KCNG2: variants seen among roughly 807,000 people sequenced by gnomAD.
KCNG2 encodes voltage-gated potassium channel regulatory subunit KCNG2.
Under a neutral mutation model 12.3 loss-of-function variants are expected in KCNG2, and 7 were observed. The observed-to-expected ratio is 0.57, with a 90% confidence interval of 0.32 to 1.07. The LOEUF (loss-of-function observed/expected upper bound fraction) is 1.07. KCNG2 is among the 50% of genes least tolerant of loss of function. The pLI is 0.04. For missense variants in KCNG2, 703 were observed against 726.0 expected, an observed-to-expected ratio of 0.97 and a Z score of 0.36; for synonymous variants, 414 against 351.4, an observed-to-expected ratio of 1.18 and a Z score of -1.99.
chr18:79,869,264 T>TC (rs1568264234), intron 3 of KCNG2, among the ~76,000 whole-genome samples: 4 of 128,962 alleles, frequency 3.1e-5, no homozygotes, highest in African/African-American at 9.8e-5. Context: ...GGGCAGTAGC[T>TC]CCCTGTGGGG....
At position 79,798,012 on chromosome 18, in the gene KCNG2, C is replaced by T. The variant is rs2087375582; in HGVS notation, c.-117C>T. 6.7e-6 allele frequency among the ~76,000 whole-genome samples: 1 copy of T among 148,446 alleles called. No individual in the cohort carries two copies. The highest frequency in any genetic ancestry group is 2.5e-5 in the African/African-American group (1 of 39,832). On this transcript the variant is annotated splice_region_variant and 5_prime_UTR_variant, in exon 1 of 4. Coordinates refer to ENST00000316249, the MANE Select transcript of KCNG2 (RefSeq NM_012283.2). ...CCCGGAGCTCGCGGAGTCTGGACCG[C>T]AGGTAAAGTTGAGCGCGCCGTGGGG... is the stretch of plus-strand genomic sequence containing the variant.
At chr18:79,882,864 TACACCTGCGCGTGGAGC>T (rs1568269861) in intron 3 of KCNG2, among the ~76,000 whole-genome samples, 24 of 150,642 alleles carry the variant, frequency 1.6e-4, no homozygotes, top group Non-Finnish European at 2.8e-4. Context: ...GGAGGCCGGG[TACACCTGCGCGTGGAGC>T]GCGGAGGCCG....
chr18:79,829,395 T>A (rs1377431437), intron 1 of KCNG2, among the ~76,000 whole-genome samples: 1 of 152,304 alleles, frequency 6.6e-6, no homozygotes, highest in Non-Finnish European at 1.5e-5. Flanking sequence ...TACCTGCCCC[T>A]TCTCTGTTGC....
chr18:79,872,488 T>G (rs908616288), intron 3 of KCNG2, among the ~76,000 whole-genome samples: 4 of 152,130 alleles, frequency 2.6e-5, no homozygotes, highest in African/African-American at 9.7e-5. Context: ...TTTCACCATG[T>G]TGGCCAGGCT....
intron 1 of KCNG2, among the ~76,000 whole-genome samples, chr18:79,835,372 C>A (rs920367369): frequency 6.6e-6 from 1 of 152,110 alleles, no homozygotes; most frequent in Non-Finnish European, 1.5e-5. Context: ...ATAGTAATGT[C>A]GAAATTATTG....
rs1365957595 is a variant in KCNG2 at position 79,899,516 on chromosome 18, G to A, written c.1101G>A (p.Met367Ile). 10 of 1,607,326 alleles carry A rather than the reference G, an allele frequency of 6.2e-6. No homozygotes were observed. The Admixed American group carries it at 1.3e-4, about 22-fold the overall frequency. The part of the protein sequence containing the change: ...PASYWWAVIS[M>I]TTVGYGDMVP... ...GCTATTGGTGGGCCGTCATCTCCATGACCACCGTGGGCTACGGCGACATGG... is the reference window on the plus strand; with the variant it reads ...GCTATTGGTGGGCCGTCATCTCCATAACCACCGTGGGCTACGGCGACATGG... Residue 367 changes from methionine (M) to isoleucine (I), a missense_variant, in exon 4 of 4, where the codon ATG (methionine) becomes ATA (isoleucine). By Grantham distance (10) the Met-to-Ile change is conservative. Coordinates refer to ENST00000316249, the MANE Select transcript of KCNG2 (RefSeq NM_012283.2).
chr18:79,829,192 CTG>C (rs987504077), intron 1 of KCNG2, among the ~76,000 whole-genome samples: 4 of 140,732 alleles, frequency 2.8e-5, no homozygotes, highest in Non-Finnish European at 6.1e-5. Context: ...GTGCATGTGT[CTG>C]TGTGTGGGTG....
chr18:79,880,340 C>T (rs4799101), intron 3 of KCNG2, among the ~76,000 whole-genome samples: 25,339 of 138,528 alleles, frequency 0.18, 2,493 homozygotes, highest in East Asian at 0.37. Context: ...AAAAAAATTA[C>T]ATGTACAATT....
rs113610049 is a variant in KCNG2, at chr18:79,858,675, A to G, written c.-41+2223A>G. 1.0e-2 allele frequency among the ~76,000 whole-genome samples: 1,516 copies of G among 151,912 alleles called. 4 individuals carry two copies. Among genetic ancestry groups the G allele is most frequent in the Non-Finnish European group, 0.015 (1,033 of 67,972 alleles). On this transcript the variant is annotated intron_variant, in intron 2 of 3. Transcript: ENST00000316249. The stretch of plus-strand genomic sequence containing the variant: ...TTCCACTGTGGCTGTGACATTTTAT[A>G]TTCCCACCAGCAATGTACAGGGGTC...
At position 79,899,471 on chromosome 18, in the gene KCNG2, C is replaced by G. The variant is rs116614455; in HGVS notation, c.1056C>G (p.Asp352Glu). ...LAERELGARRDFSSVPASYWW... is the reference protein window; with the variant it reads ...LAERELGARREFSSVPASYWW... The stretch of plus-strand genomic sequence containing the variant: ...AGCGCGAGCTGGGCGCGCGCCGCGA[C>G]TTCTCCAGCGTGCCCGCCAGCTATT... The change falls in exon 4 of 4, where the codon GAC (aspartate) becomes GAG (glutamate). Residue 352 changes from aspartate to glutamate, a missense_variant. Physicochemically the swap from Asp to Glu is conservative, Grantham distance 45. Transcript: ENST00000316249. The G allele has an allele frequency of 6.2e-7, 1 of 1,606,508 alleles. No individual in the cohort carries two copies. The highest frequency in any genetic ancestry group is 1.3e-5 in the African/African-American group (1 of 74,260).
chr18:79,864,316 G>T, intron 3 of KCNG2, 25 bp downstream of exon 3: 2 of 1,415,676 alleles, frequency 1.4e-6, no homozygotes, highest in African/African-American at 1.5e-5. Flanking sequence ...GGGTGGCGGG[G>T]ACCGGGCCGG....
At position 79,864,067 on chromosome 18, in the gene KCNG2, C is replaced by G; in HGVS notation, c.400C>G (p.Arg134Gly). Residue 134 changes from arginine to glycine, a missense_variant, in exon 3 of 4, where the codon CGC becomes GGC. By Grantham distance (125) the Arg-to-Gly change is moderately radical. Transcript: ENST00000316249. Reference protein sequence around the residue: ...RRREEEAAEARAGPTERGAQG... With the variant: ...RRREEEAAEAGAGPTERGAQG... ...CCGCGAGGAGGAGGCGGCCGAGGCC[C>G]GCGCGGGGCCGACGGAGCGCGGGGC... 9.3e-7 allele frequency: 1 copy of G among 1,079,502 alleles called. No homozygotes were observed. The highest frequency in any genetic ancestry group is 1.1e-6 in the Non-Finnish European group (1 of 891,178). The allele number at this position is 1,079,502 out of a possible 1,614,324, so 66.9% of individuals were successfully genotyped here. A position where few individuals can be genotyped will look rare whatever the true frequency, so the allele number is the denominator to read the frequency against.
rs1033585425 is a variant in KCNG2, at chr18:79,884,993, G to A, written c.625-14047G>A. ...GTCCACTTTCCCTCCCCAAAGAAGCGCTTGCCCAACTCTCGGGGTGCTTGC... is the reference window on the plus strand; with the variant it reads ...GTCCACTTTCCCTCCCCAAAGAAGCACTTGCCCAACTCTCGGGGTGCTTGC... On this transcript the variant is annotated intron_variant, in intron 3 of 3. Coordinates refer to ENST00000316249, the MANE Select transcript of KCNG2 (RefSeq NM_012283.2). The surrounding 1 kb of genome is among the most constrained non-coding windows in gnomAD (Gnocchi z 5.5). Among the ~76,000 whole-genome samples the A allele has an allele frequency of 1.3e-5, 2 of 152,156 alleles. No homozygotes were observed. Among genetic ancestry groups the A allele is most frequent in the African/African-American group, 4.8e-5 (2 of 41,426 alleles).
intron 2 of KCNG2, among the ~76,000 whole-genome samples, chr18:79,859,036 G>A (rs1283382277): frequency 1.3e-5 from 2 of 151,980 alleles, no homozygotes; most frequent in Non-Finnish European, 1.5e-5. Context: ...CATTTTCCTG[G>A]TCCTGTTCTT....
At chr18:79,847,643 T>C (rs1298140289) in intron 1 of KCNG2, among the ~76,000 whole-genome samples, 1 of 152,224 alleles carries the variant, frequency 6.6e-6, no homozygotes, top group African/African-American at 2.4e-5. Flanking sequence ...GTAAATATTA[T>C]TATATCCCAG....
chr18:79,899,011 C>A, intron 3 of KCNG2, 29 bp from the exon 4 acceptor site: 3 of 1,488,294 alleles, frequency 2.0e-6, no homozygotes, highest in East Asian at 2.5e-5. Flanking sequence ...AGGCCTGCGC[C>A]CCCAACCCCG....
At position 79,866,411 on chromosome 18, in the gene KCNG2, GGGTGC is replaced by G. The variant is rs1467291246; in HGVS notation, c.624+2121_624+2125del. 1.7e-3 allele frequency among the ~76,000 whole-genome samples: 205 copies of G among 120,776 alleles called. 1 individual carries two copies. The highest frequency in any genetic ancestry group is 2.3e-3 in the East Asian group (8 of 3,416). The allele number at this position is 120,776 out of a possible 152,430, so 79.2% of individuals were successfully genotyped here. On this transcript the variant is annotated intron_variant, in intron 3 of 3. Coordinates refer to ENST00000316249, the MANE Select transcript of KCNG2 (RefSeq NM_012283.2). ...CTGAGAGGTCTGGGTGCTGAGGTCT[GGGTGC>G]TGAGAGGTCTGGGTGCTGAGAGGTC...
chr18:79,844,143 C>T (rs1204670538), intron 1 of KCNG2, among the ~76,000 whole-genome samples: 1 of 151,962 alleles, frequency 6.6e-6, no homozygotes, highest in East Asian at 1.9e-4. Flanking sequence ...TTCACAATAG[C>T]CAAGATATGA....
intron 1 of KCNG2, among the ~76,000 whole-genome samples, chr18:79,828,741 CTG>C (rs1260722366): frequency 2.1e-5 from 3 of 144,336 alleles, no homozygotes; most frequent in African/African-American, 5.2e-5. Context: ...GTGCATGTGT[CTG>C]TGTGTGGGTG....
Sources: gnomAD v4.1 joint callset for allele counts (sites outside exome capture counted in the v4.1 genomes callset) on GRCh38, gnomAD v4.1.1 for gene constraint, Gnocchi (gnomAD v3.1) non-coding constraint, MANE v1.5 for transcripts, NCBI Gene and HGNC (gene_info 2026-07-23, HGNC 2026-07-21) for gene names.